The following GSTCD variants were observed in gnomAD, a reference collection of about 807,000 sequenced individuals.
GSTCD encodes the protein glutathione S-transferase C-terminal domain-containing protein.
GSTCD carries 44 observed loss-of-function variants against 68.3 expected under a neutral mutation model. That is an observed-to-expected ratio of 0.64 (90% CI 0.51 to 0.83). The LOEUF (loss-of-function observed/expected upper bound fraction) is 0.83. Among genes scored for constraint, GSTCD ranks in the 40% least tolerant of loss-of-function variants. The pLI is 0.00. For synonymous variants in GSTCD, 273 were observed against 255.2 expected, an observed-to-expected ratio of 1.07 and a Z score of -0.67; for missense variants, 739 against 735.9, an observed-to-expected ratio of 1.00 and a Z score of -0.05.
At chr4:105,749,510 TA>T (rs1733932893) in intron 5 of GSTCD, among the ~76,000 whole-genome samples, 1 of 146,116 alleles carries the variant, frequency 6.8e-6, no homozygotes, top group African/African-American at 2.5e-5. Flanking sequence ...AATAAAACAA[TA>T]AAACAGAATA....
chr4:105,731,115 G>T (rs1015437023), intron 5 of GSTCD, among the ~76,000 whole-genome samples: 24 of 152,302 alleles, frequency 1.6e-4, no homozygotes, highest in Non-Finnish European at 2.8e-4. Flanking sequence ...CCAGTACCAT[G>T]CTGTTTTGGT....
rs372937091 is a variant in GSTCD at position 105,845,618 on chromosome 4, C to T, written c.*41C>T. The T allele has an allele frequency of 1.2e-5, 19 of 1,606,236 alleles. No homozygotes were observed. Among genetic ancestry groups the T allele is most frequent in the East Asian group, 2.2e-5 (1 of 44,832 alleles). ...TTTGATATTTTGCCATCCGTCTTCA[C>T]GTTGGATGCCCAGTGGCATTCAGGA... On this transcript the variant is annotated 3_prime_UTR_variant, in exon 12 of 12. Coordinates refer to ENST00000515279, the MANE Select transcript of GSTCD (RefSeq NM_001370181.1).
rs1199399619 is a variant in GSTCD, at chr4:105,770,358, A to C, written c.1240+40859A>C. On this transcript the variant is annotated intron_variant, in intron 5 of 11. Coordinates refer to ENST00000515279, the MANE Select transcript of GSTCD (RefSeq NM_001370181.1). ...CAAAAATTAACTGTCTGTTCCTTAT[A>C]CTTTTTTTTTTTCCTTTTTTTTTTA... 4.4e-5 allele frequency among the ~76,000 whole-genome samples: 3 copies of C among 68,666 alleles called. No homozygotes were observed. The Admixed American group carries it at 4.6e-4, about 11-fold the overall frequency. 45.0% of individuals were successfully genotyped at this position (68,666 alleles called of 152,430 possible). A position where few individuals can be genotyped will look rare whatever the true frequency, so the allele number is the denominator to read the frequency against.
chr4:105,766,457 C>T (rs749227839), intron 5 of GSTCD, among the ~76,000 whole-genome samples: 12 of 152,288 alleles, frequency 7.9e-5, no homozygotes, highest in African/African-American at 2.4e-4. Context: ...TGTAGTTCCC[C>T]GCTATATAGA....
intron 1 of GSTCD, chr4:105,710,691 T>C (rs568606226): frequency 6.6e-6 from 1 of 152,324 alleles, no homozygotes; most frequent in South Asian, 2.1e-4. Context: ...GCACAGGTAT[T>C]GTTTGCTGTG....
chr4:105,792,546 G>T (rs867170851), intron 5 of GSTCD, among the ~76,000 whole-genome samples: 4 of 151,856 alleles, frequency 2.6e-5, no homozygotes, highest in Non-Finnish European at 5.9e-5. Context: ...CAGAATCCGG[G>T]CATATTAAAA....
chr4:105,766,887 C>CTTTTTTTTTTT, intron 5 of GSTCD, among the ~76,000 whole-genome samples: 12 of 57,126 alleles, frequency 2.1e-4, no homozygotes, highest in African/African-American at 9.6e-4. Flanking sequence ...GTTTTTGACT[C>CTTTTTTTTTTT]TTTTTTTTTT....
intron 5 of GSTCD, among the ~76,000 whole-genome samples, chr4:105,817,964 T>G (rs1723081272): frequency 6.6e-6 from 1 of 151,952 alleles, no homozygotes; most frequent in African/African-American, 2.4e-5. Context: ...AAATGCAGTT[T>G]GTCATATTTG....
chr4:105,713,708 C>T (rs1456471525), intron 1 of GSTCD, among the ~76,000 whole-genome samples: 2 of 151,956 alleles, frequency 1.3e-5, no homozygotes, highest in African/African-American at 4.8e-5. Flanking sequence ...ACTTTATTTA[C>T]CTAACATTTG....
At chr4:105,817,150 TTAAA>T (rs1723034038) in intron 5 of GSTCD, among the ~76,000 whole-genome samples, 1 of 151,940 alleles carries the variant, frequency 6.6e-6, no homozygotes, top group Non-Finnish European at 1.5e-5. Context: ...TTTGTACTAA[TTAAA>T]CAAACTATAT....
intron 5 of GSTCD, among the ~76,000 whole-genome samples, chr4:105,772,272 G>A (rs1734880071): frequency 6.6e-6 from 1 of 152,076 alleles, no homozygotes; most frequent in South Asian, 2.1e-4. Context: ...TAAGACAATG[G>A]GGTTTTCTAA....
intron 5 of GSTCD, among the ~76,000 whole-genome samples, chr4:105,756,290 ATCCCCTC>A (rs896598379): frequency 6.6e-6 from 1 of 151,986 alleles, no homozygotes; most frequent in African/African-American, 2.4e-5. Context: ...TTCAATTTCC[ATCCCCTC>A]TCCCCTCTCC....
intron 11 of GSTCD, among the ~76,000 whole-genome samples, chr4:105,843,911 G>GGTGGGT (rs1320666267): frequency 1.3e-5 from 2 of 151,560 alleles, no homozygotes; most frequent in African/African-American, 4.9e-5. Context: ...TGGGGGTGGG[G>GGTGGGT]GTGGGCATTT....
intron 4 of GSTCD, among the ~76,000 whole-genome samples, chr4:105,728,125 A>C (rs1265151763): frequency 1.3e-5 from 2 of 152,174 alleles, no homozygotes; most frequent in African/African-American, 4.8e-5. Context: ...TCTTGATTAT[A>C]TTACTACACT....
intron 5 of GSTCD, among the ~76,000 whole-genome samples, chr4:105,777,736 G>A (rs1279297944): frequency 3.3e-5 from 5 of 152,110 alleles, no homozygotes; most frequent in Admixed American, 6.6e-5. Context: ...TCTGCAAAAT[G>A]GGGATGTTAG....
intron 8 of GSTCD, among the ~76,000 whole-genome samples, chr4:105,826,875 A>T (rs1434033779): frequency 6.6e-6 from 1 of 152,098 alleles, no homozygotes; most frequent in African/African-American, 2.4e-5. Flanking sequence ...TATCAACTTA[A>T]CTAATTCAGA....
At chr4:105,764,923 G>T (rs1373551656) in intron 5 of GSTCD, among the ~76,000 whole-genome samples, 1 of 152,024 alleles carries the variant, frequency 6.6e-6, no homozygotes, top group East Asian at 1.9e-4. Context: ...AAACTTCGAG[G>T]TGTTTTGTAT....
chr4:105,778,761 C>G lies in GSTCD; in HGVS notation c.1241-44193C>G, dbSNP rs372994632. ...TAACTAAGATTTTTTCTGTCATACT[C>G]TTTTTAAATTTTTTGTTTTAATATA... On this transcript the variant is annotated intron_variant, in intron 5 of 11. Coordinates refer to ENST00000515279, the MANE Select transcript of GSTCD (RefSeq NM_001370181.1). Among the ~76,000 whole-genome samples the G allele has an allele frequency of 2.6e-3, 388 of 152,122 alleles. 25 individuals are homozygous for G. The South Asian group carries it at 0.078, about 30-fold the overall frequency.
At chr4:105,839,542 C>T (rs1335130445) in intron 10 of GSTCD, among the ~76,000 whole-genome samples, 5 of 151,962 alleles carry the variant, frequency 3.3e-5, no homozygotes, top group Admixed American at 1.3e-4. Flanking sequence ...GGCTGAAGCA[C>T]GAGAATTGAT....
Sources: gnomAD v4.1 joint callset for allele counts (sites outside exome capture counted in the v4.1 genomes callset) on GRCh38, gnomAD v4.1.1 for gene constraint, MANE v1.5 for transcripts, NCBI Gene and HGNC (gene_info 2026-07-23, HGNC 2026-07-21) for gene names.